BAHCC1: variants seen among roughly 807,000 people sequenced by gnomAD.
BAHCC1 encodes BAH domain and coiled-coil containing 1, also known as BAH and coiled-coil domain-containing protein 1.
BAHCC1 carries 43 observed loss-of-function variants against 88.2 expected under a neutral mutation model. That is an observed-to-expected ratio of 0.49 (90% CI 0.38 to 0.63). The LOEUF is 0.63. Among genes scored for constraint, BAHCC1 ranks in the 20% least tolerant of loss-of-function variants. The pLI is 0.00. For synonymous variants in BAHCC1, 1,510 were observed against 745.5 expected, an observed-to-expected ratio of 2.03 and a Z score of -16.71; for missense variants, 3,023 against 1,654.8, an observed-to-expected ratio of 1.83 and a Z score of -14.34.
At chr17:81,441,459 G>C (rs1049924839) in intron 4 of BAHCC1, among the ~76,000 whole-genome samples, 3 of 152,236 alleles carry the variant, frequency 2.0e-5, no homozygotes, top group Middle Eastern at 3.4e-3. Flanking sequence ...TCAGGAGATC[G>C]AGACCATCCT....
At chr17:81,427,346 G>A (rs1189992493) in intron 3 of BAHCC1, among the ~76,000 whole-genome samples, 2 of 152,188 alleles carry the variant, frequency 1.3e-5, no homozygotes, top group East Asian at 3.8e-4. Context: ...CAGACGCTAG[G>A]AGGCGGGCTC....
Position 81,443,633 on chromosome 17 carries a change from G to T in BAHCC1, c.2215+69G>T, listed in dbSNP as rs562017059. 122 of 622,128 alleles carry T rather than the reference G, an allele frequency of 2.0e-4. No individual in the cohort carries two copies. The African/African-American group carries it at 2.1e-3, about 10-fold the overall frequency. The allele number at this position is 622,128 out of a possible 1,614,324, so 38.5% of individuals were successfully genotyped here. On this transcript the variant is annotated intron_variant, in intron 5 of 27. Coordinates refer to ENST00000675386, the MANE Select transcript of BAHCC1 (RefSeq NM_001377448.1). Reference sequence around the variant, plus strand: ...GGGGGCCCAGCTGGCCCTGCCCTGCGCCCCGGCTCCCCAGCTCCCACACCT... The same window carrying T: ...GGGGGCCCAGCTGGCCCTGCCCTGCTCCCCGGCTCCCCAGCTCCCACACCT...
At chr17:81,423,259 C>T (rs2064136606) in intron 2 of BAHCC1, among the ~76,000 whole-genome samples, 1 of 152,200 alleles carries the variant, frequency 6.6e-6, no homozygotes, top group East Asian at 1.9e-4. Context: ...GCTGCGTTCG[C>T]ACACGAGAGG....
rs1555655817 is a variant in BAHCC1 at position 81,451,768 on chromosome 17, C to T, written c.4077C>T (p.Ala1359=). The T allele has an allele frequency of 1.3e-6, 1 of 769,626 alleles. No individual in the cohort carries two copies. The highest frequency in any genetic ancestry group is 2.4e-6 in the Non-Finnish European group (1 of 416,768). 47.7% of individuals were successfully genotyped at this position (769,626 alleles called of 1,614,324 possible). A position where few individuals can be genotyped will look rare whatever the true frequency, so the allele number is the denominator to read the frequency against. Residue 1359 remains alanine (A), a synonymous_variant, in exon 12 of 28, where the codon GCC becomes GCT. Transcript: ENST00000675386. ...VEAAGLDSST[A]PAQPPTANPC... The stretch of plus-strand genomic sequence containing the variant: ...CCGCTGGCCTGGACAGCTCCACTGC[C>T]CCAGCGCAGCCGCCCACAGCCAACC...
chr17:81,411,564 CT>C lies in BAHCC1; in HGVS notation c.178+11649del. 2.4e-6 allele frequency: 1 copy of C among 418,584 alleles called. No homozygotes were observed. The highest frequency in any genetic ancestry group is 2.3e-5 in the African/African-American group (1 of 44,102). 25.9% of individuals were successfully genotyped at this position (418,584 alleles called of 1,614,324 possible). ...CCTTCCTTCCTTCCTTCCTTCCTTC[CT>C]TCCTTCCTTGAGAGGCCTCTCTACC... On this transcript the variant is annotated intron_variant, in intron 2 of 27. Coordinates refer to ENST00000675386, the MANE Select transcript of BAHCC1 (RefSeq NM_001377448.1). The surrounding 1 kb of genome is among the most constrained non-coding windows in gnomAD (Gnocchi z 6.2).
chr17:81,418,235 G>A (rs781854968), intron 2 of BAHCC1, among the ~76,000 whole-genome samples: 21 of 152,204 alleles, frequency 1.4e-4, no homozygotes, highest in African/African-American at 2.9e-4. Flanking sequence ...GACAGTTTGC[G>A]GGCCCTGGAG....
At position 81,399,610 on chromosome 17, in the gene BAHCC1, C is replaced by T. The variant is rs782304754; in HGVS notation, c.-130C>T. ...AAGCCCAGTCCTCCCGCGTGCTGACCGGCCCCGCCGCCACCACCGCCTGTG... is the reference window on the plus strand; with the variant it reads ...AAGCCCAGTCCTCCCGCGTGCTGACTGGCCCCGCCGCCACCACCGCCTGTG... On this transcript the variant is annotated 5_prime_UTR_variant, in exon 2 of 28. Transcript: ENST00000675386. The surrounding 1 kb of genome is among the most constrained non-coding windows in gnomAD (Gnocchi z 4.5). 38 of 558,668 alleles carry T rather than the reference C, an allele frequency of 6.8e-5. 1 individual carries two copies. The highest frequency in any genetic ancestry group is 9.3e-5 in the Non-Finnish European group (35 of 376,798). 34.6% of individuals were successfully genotyped at this position (558,668 alleles called of 1,614,324 possible). A position where few individuals can be genotyped will look rare whatever the true frequency, so the allele number is the denominator to read the frequency against.
rs782595212 is a variant in BAHCC1 at position 81,460,934 on chromosome 17, C to G, written c.6271C>G (p.Arg2091Gly). Residue 2091 changes from arginine to glycine, a missense_variant, in exon 26 of 28, where the codon CGT becomes GGT. Transcript: ENST00000675386. ...TGASDHFLGR[R>G]GSPLLSWSAV... ...GGCCTCCGACCACTTCCTGGGCCGC[C>G]GTGGCAGCCCCTTGCTGAGCTGGTC... 1.0e-5 allele frequency: 8 copies of G among 769,914 alleles called. No homozygotes were observed. Among genetic ancestry groups the G allele is most frequent in the Non-Finnish European group, 1.9e-5 (8 of 417,872 alleles). 47.7% of individuals were successfully genotyped at this position (769,914 alleles called of 1,614,324 possible). A position where few individuals can be genotyped will look rare whatever the true frequency, so the allele number is the denominator to read the frequency against.
Position 81,411,090 on chromosome 17 carries a change from C to T in BAHCC1, c.178+11173C>T, listed in dbSNP as rs776574732. 1.5e-5 allele frequency: 8 copies of T among 519,376 alleles called. No individual in the cohort carries two copies. Among genetic ancestry groups the T allele is most frequent in the Admixed American group, 7.8e-5 (4 of 51,586 alleles). 32.2% of individuals were successfully genotyped at this position (519,376 alleles called of 1,614,324 possible). On this transcript the variant is annotated intron_variant, in intron 2 of 27. Transcript: ENST00000675386. The surrounding 1 kb of genome is among the most constrained non-coding windows in gnomAD (Gnocchi z 6.2). ...TGAGGGGTCCCTCTCTCTGGGGTCA[C>T]GCTCCCTTGTTCTCAGTCCCGCAGC...
At position 81,444,764 on chromosome 17, in the gene BAHCC1, C is replaced by G; in HGVS notation, c.2609C>G (p.Ala870Gly). Residue 870 changes from alanine to glycine, a missense_variant, in exon 8 of 28, where the codon GCC becomes GGC. Ala to Gly is a moderately conservative substitution (Grantham distance 60, BLOSUM62 0). Transcript: ENST00000675386. ...TCTGTCTTCCCCCTCCCACAGGACG[C>G]CCCCACACAGCTGGTCATCCTGCCC... ...VPSVFPLPQD[A>G]PTQLVILPSE... The G allele has an allele frequency of 1.3e-6, 1 of 778,670 alleles. No homozygotes were observed. The highest frequency in any genetic ancestry group is 2.4e-6 in the Non-Finnish European group (1 of 417,564). The allele number at this position is 778,670 out of a possible 1,614,324, so 48.2% of individuals were successfully genotyped here. A position where few individuals can be genotyped will look rare whatever the true frequency, so the allele number is the denominator to read the frequency against.
chr17:81,448,247 G>T (rs1653440515), intron 11 of BAHCC1, among the ~76,000 whole-genome samples: 2 of 152,198 alleles, frequency 1.3e-5, no homozygotes, highest in Admixed American at 1.3e-4. Context: ...ACCCTGGCCT[G>T]GGGGGTCCAG....
rs782521317 is a variant in BAHCC1 at position 81,445,694 on chromosome 17, G to T, written c.3163+13G>T. 3 of 719,690 alleles carry T rather than the reference G, an allele frequency of 4.2e-6. No homozygotes were observed. The highest frequency in any genetic ancestry group is 7.8e-6 in the Non-Finnish European group (3 of 386,830). The allele number at this position is 719,690 out of a possible 1,614,324, so 44.6% of individuals were successfully genotyped here. A position where few individuals can be genotyped will look rare whatever the true frequency, so the allele number is the denominator to read the frequency against. On this transcript the variant is annotated intron_variant, in intron 10 of 27. Transcript: ENST00000675386. ...ACATCCGAACCAGGTGAGAGTAGCCGCCTGGCCCGGCCCACTGTGCTCCGC... is the reference window on the plus strand; with the variant it reads ...ACATCCGAACCAGGTGAGAGTAGCCTCCTGGCCCGGCCCACTGTGCTCCGC...
At chr17:81,462,114 T>A in intron 26 of BAHCC1, 68 bp downstream of exon 26, 1 of 662,176 alleles carries the variant, frequency 1.5e-6, no homozygotes, top group Non-Finnish European at 2.7e-6. Context: ...CATGCGCCCC[T>A]GCTGCCCTTC....
chr17:81,444,404 T>C lies in BAHCC1; in HGVS notation c.2348T>C (p.Phe783Ser). Residue 783 changes from phenylalanine (F) to serine (S), a missense_variant, in exon 7 of 28, where the codon TTC becomes TCC. Phe to Ser is a radical substitution (Grantham distance 155). Coordinates refer to ENST00000675386, the MANE Select transcript of BAHCC1 (RefSeq NM_001377448.1). The stretch of plus-strand genomic sequence containing the variant: ...AGGGACAGCAAAGACCGCGTAGAGT[T>C]CGCCCGGATCCACCCACCGAGCAGC... ...LLQDSKDRVE[F>S]ARIHPPSSCP... 1.3e-6 allele frequency: 1 copy of C among 747,324 alleles called. No homozygotes were observed. Among genetic ancestry groups the C allele is most frequent in the Non-Finnish European group, 2.5e-6 (1 of 403,294 alleles). The allele number at this position is 747,324 out of a possible 1,614,324, so 46.3% of individuals were successfully genotyped here.
chr17:81,459,828 G>T (rs1371672047), intron 23 of BAHCC1, among the ~76,000 whole-genome samples: 1 of 152,100 alleles, frequency 6.6e-6, no homozygotes, highest in Non-Finnish European at 1.5e-5. Context: ...AGAGGGCCCA[G>T]CAGGAAGGGG....
intron 2 of BAHCC1, among the ~76,000 whole-genome samples, chr17:81,405,216 T>G (rs2063864162): frequency 6.6e-6 from 1 of 152,128 alleles, no homozygotes; most frequent in Non-Finnish European, 1.5e-5. Context: ...TACAGGCATG[T>G]ACCACCACGC....
At chr17:81,412,015 G>T (rs1324644447) in intron 2 of BAHCC1, among the ~76,000 whole-genome samples, 5 of 152,238 alleles carry the variant, frequency 3.3e-5, no homozygotes, top group African/African-American at 1.2e-4. Flanking sequence ...AGGGCCCCGT[G>T]GCCTCCTGGT....
intron 3 of BAHCC1, among the ~76,000 whole-genome samples, chr17:81,431,056 C>T (rs1244956133): frequency 3.2e-4 from 17 of 52,798 alleles, no homozygotes; most frequent in African/African-American, 1.0e-3. Flanking sequence ...GGGGTCCCGG[C>T]GTGGGGGTGG....
chr17:81,452,070 C>T lies in BAHCC1; in HGVS notation c.4279C>T (p.Arg1427Trp). Residue 1427 changes from arginine (R) to tryptophan (W), a missense_variant, in exon 13 of 28, where the codon CGG becomes TGG. Physicochemically the swap from Arg to Trp is moderately radical, Grantham distance 101 (BLOSUM62 -3). Coordinates refer to ENST00000675386, the MANE Select transcript of BAHCC1 (RefSeq NM_001377448.1). ...GCAGCGGCGCTACAAGGAGAAGCAG[C>T]GGGAGCTGGCCCGCCTGCAGCGCAA... Reference protein sequence around the residue: ...ELQRRYKEKQRELARLQRKHD... With the variant: ...ELQRRYKEKQWELARLQRKHD... 5 of 626,394 alleles carry T rather than the reference C, an allele frequency of 8.0e-6. No individual in the cohort carries two copies. The highest frequency in any genetic ancestry group is 8.4e-6 in the Non-Finnish European group (3 of 355,316). 38.8% of individuals were successfully genotyped at this position (626,394 alleles called of 1,614,324 possible).
Sources: allele counts gnomAD v4.1 joint callset (sites outside exome capture counted in the v4.1 genomes callset), GRCh38; gene constraint gnomAD v4.1.1; non-coding constraint Gnocchi (gnomAD v3.1); transcripts MANE v1.5; gene names NCBI Gene and HGNC (gene_info 2026-07-23, HGNC 2026-07-21).